Variants in ZFHX3 observed in about 807,000 individuals in gnomAD.
ZFHX3 encodes zinc finger homeobox protein 3.
ZFHX3 carries 42 observed loss-of-function variants against 279.1 expected under a neutral mutation model. That is an observed-to-expected ratio of 0.15 (90% CI 0.12 to 0.19). The LOEUF is 0.19. Ranked by LOEUF, ZFHX3 falls within the 10% of genes least tolerant of loss-of-function variation. The pLI is 1.00. For missense variants in ZFHX3, 4,981 were observed against 4,754.0 expected, an observed-to-expected ratio of 1.05 and a Z score of -1.40; for synonymous variants, 2,293 against 1,957.8, an observed-to-expected ratio of 1.17 and a Z score of -4.52.
chr16:72,915,870 T>C (rs1471603969), intron 3 of ZFHX3, among the ~76,000 whole-genome samples: 1 of 152,278 alleles, frequency 6.6e-6, no homozygotes, highest in Non-Finnish European at 1.5e-5. Flanking sequence ...GTGCTTACTA[T>C]GTGCCAGGCA....
At chr16:72,887,324 A>G (rs2038651597) in intron 4 of ZFHX3, among the ~76,000 whole-genome samples, 1 of 152,190 alleles carries the variant, frequency 6.6e-6, no homozygotes, top group African/African-American at 2.4e-5. Context: ...TTCGCCATGA[A>G]TTAATCATAG....
At chr16:72,870,197 G>C (rs1307857575) in intron 4 of ZFHX3, among the ~76,000 whole-genome samples, 1 of 151,804 alleles carries the variant, frequency 6.6e-6, no homozygotes, top group Non-Finnish European at 1.5e-5. Context: ...TTCAAGGCCA[G>C]CCTGGGCAAT....
At chr16:73,012,440 A>C (rs1309260844) in intron 1 of ZFHX3, among the ~76,000 whole-genome samples, 4 of 152,202 alleles carry the variant, frequency 2.6e-5, no homozygotes, top group Non-Finnish European at 4.4e-5. Context: ...AGAGCTGTTA[A>C]ATAATAACAT....
chr16:73,155,998 C>G (rs574741252), intron 5 of ZFHX3, among the ~76,000 whole-genome samples: 1 of 151,416 alleles, frequency 6.6e-6, no homozygotes, highest in Admixed American at 6.6e-5. Flanking sequence ...TTTGGGAGGC[C>G]GAGATGGGCG....
intron 1 of ZFHX3, among the ~76,000 whole-genome samples, chr16:73,746,208 T>G (rs947526710): frequency 6.6e-6 from 1 of 152,112 alleles, no homozygotes; most frequent in Non-Finnish European, 1.5e-5. Context: ...CTAATAAACT[T>G]CAGTGGCCTG....
At chr16:73,164,698 GA>G (rs545221088) in intron 5 of ZFHX3, among the ~76,000 whole-genome samples, 4,961 of 92,626 alleles carry the variant, frequency 0.054, 219 homozygotes, top group African/African-American at 0.14. Flanking sequence ...AGACTCTGTT[GA>G]AAAAAAAAAA....
At chr16:73,473,350 AAAAAAAAC>A (rs1234472920) in intron 2 of ZFHX3, among the ~76,000 whole-genome samples, 568 of 50,966 alleles carry the variant, frequency 0.011, 1 homozygote, top group African/African-American at 0.039. Context: ...AAAAAAAAAA[AAAAAAAAC>A]AAAAAAAAAA....
chr16:73,701,909 G>T (rs2053251453), intron 1 of ZFHX3, among the ~76,000 whole-genome samples: 1 of 151,906 alleles, frequency 6.6e-6, no homozygotes, highest in South Asian at 2.1e-4. Flanking sequence ...GTATGTGGGC[G>T]ATTTCTATCA....
intron 2 of ZFHX3, among the ~76,000 whole-genome samples, chr16:73,545,681 T>C (rs116018881): frequency 0.014 from 2,196 of 152,276 alleles, 56 homozygotes; most frequent in African/African-American, 0.05. Context: ...ATTCTATTTA[T>C]CAATTTGATG....
At chr16:73,246,498 G>T (rs779038570) in intron 5 of ZFHX3, among the ~76,000 whole-genome samples, 1 of 152,154 alleles carries the variant, frequency 6.6e-6, no homozygotes, top group African/African-American at 2.4e-5. Context: ...ATCGAACCCC[G>T]AGGTGCTGGG....
chr16:73,516,371 C>T (rs1028155857), intron 2 of ZFHX3, among the ~76,000 whole-genome samples: 1 of 152,114 alleles, frequency 6.6e-6, no homozygotes, highest in South Asian at 2.1e-4. Flanking sequence ...GTTAACCGCA[C>T]ATAAGAGATA....
At chr16:73,486,188 G>A (rs2018970591) in intron 2 of ZFHX3, among the ~76,000 whole-genome samples, 1 of 152,202 alleles carries the variant, frequency 6.6e-6, no homozygotes, top group African/African-American at 2.4e-5. Context: ...ATTCAGCTAT[G>A]ACAGGAAATA....
Position 73,531,050 on chromosome 16 carries a change from CT to C in ZFHX3, c.-1546-74793del, listed in dbSNP as rs1449988869. 2.6e-5 allele frequency among the ~76,000 whole-genome samples: 4 copies of C among 152,176 alleles called. No homozygotes were observed. In the East Asian group the frequency reaches 7.7e-4, roughly 29 times the overall value. On this transcript the variant is annotated intron_variant, in intron 2 of 17. Coordinates refer to the ZFHX3 transcript ENST00000641206. ...ATTTTTGGTCAAACATGCCAAATAG[CT>C]TTTTTCTTCCAAGCTGTCACTATTT...
chr16:73,557,470 G>C (rs1319266177), intron 2 of ZFHX3, among the ~76,000 whole-genome samples: 1 of 152,160 alleles, frequency 6.6e-6, no homozygotes, highest in Non-Finnish European at 1.5e-5. Context: ...TCCGTAGACA[G>C]AGCAGCCTGA....
At chr16:73,394,768 G>A (rs1056428666) in intron 3 of ZFHX3, among the ~76,000 whole-genome samples, 1 of 152,120 alleles carries the variant, frequency 6.6e-6, no homozygotes, top group African/African-American at 2.4e-5. Flanking sequence ...ATTGAACTCT[G>A]TACCCCTTAG....
intron 1 of ZFHX3, among the ~76,000 whole-genome samples, chr16:73,846,971 T>C (rs548534694): frequency 1.3e-5 from 2 of 152,286 alleles, no homozygotes; most frequent in South Asian, 2.1e-4. Flanking sequence ...TAGGTCACAG[T>C]GATTCCCCTT....
rs2892097 is a variant in ZFHX3, at chr16:73,716,478, C to A, written c.-1607-36238G>T. ...ATTTTCCTTAATCCACCCCTTGCAACTTCCAAAGGATTTTCTAGGGTTTCT... is the reference window on the plus strand; with the variant it reads ...ATTTTCCTTAATCCACCCCTTGCAAATTCCAAAGGATTTTCTAGGGTTTCT... On this transcript the variant is annotated intron_variant, in intron 1 of 17. Coordinates refer to the ZFHX3 transcript ENST00000641206. Among the ~76,000 whole-genome samples, 520 of 152,274 alleles carry A rather than the reference C, an allele frequency of 3.4e-3. 4 individuals carry two copies. Among genetic ancestry groups the A allele is most frequent in the African/African-American group, 0.012 (502 of 41,558 alleles).
At chr16:72,887,640 G>A (rs1454444509) in intron 4 of ZFHX3, among the ~76,000 whole-genome samples, 2 of 149,642 alleles carry the variant, frequency 1.3e-5, no homozygotes, top group Non-Finnish European at 3.0e-5. Context: ...GTGTGTGTGG[G>A]GTGTGTGGGG....
rs563478905 is a variant in ZFHX3, at chr16:73,564,995, G to A, written c.-1546-108737C>T. The stretch of plus-strand genomic sequence containing the variant: ...AGGCCAGGCACGGTGGCTCATGCCT[G>A]TAATCCTACCATTTTGGGAGGCCAA... On this transcript the variant is annotated intron_variant, in intron 2 of 17. Transcript: ENST00000641206. Among the ~76,000 whole-genome samples, 10 of 152,088 alleles carry A rather than the reference G, an allele frequency of 6.6e-5. No homozygotes were observed. The East Asian group carries it at 1.9e-3, about 29-fold the overall frequency.
Sources: allele counts gnomAD v4.1 joint callset (sites outside exome capture counted in the v4.1 genomes callset), GRCh38; gene constraint gnomAD v4.1.1; transcripts MANE v1.5; gene names NCBI Gene and HGNC (gene_info 2026-07-23, HGNC 2026-07-21).